CHD2: variants seen among roughly 807,000 people sequenced by gnomAD.
CHD2 encodes ATP-dependent chromatin remodeler CHD2.
A neutral mutation model predicts 243.9 loss-of-function variants in CHD2; 28 were observed. The observed-to-expected ratio is 0.11, with a 90% CI of 0.09 to 0.16. The LOEUF (loss-of-function observed/expected upper bound fraction) is 0.16. Ranked by LOEUF, CHD2 falls within the 10% of genes least tolerant of loss-of-function variation. CHD2 has a pLI of 1.00. For missense variants in CHD2, 1,386 were observed against 2,209.8 expected (o/e 0.63, Z 7.47); for synonymous variants, 775 against 779.0 (o/e 0.99, Z 0.09).
intron 2 of CHD2, among the ~76,000 whole-genome samples, chr15:92,905,725 TACAG>T (rs2052609047): frequency 1.3e-5 from 2 of 152,364 alleles, no homozygotes; most frequent in South Asian, 4.1e-4. Context: ...CTTTTTCTGT[TACAG>T]AGAAGTGTTC....
chr15:92,951,381 A>G (rs1038398473), intron 13 of CHD2, among the ~76,000 whole-genome samples: 14 of 151,982 alleles, frequency 9.2e-5, no homozygotes, highest in African/African-American at 2.7e-4. Context: ...ATGTTGGCCA[A>G]GCTGGTCTTG....
chr15:92,940,935 TAA>T (rs1222734207), intron 7 of CHD2, among the ~76,000 whole-genome samples: 3 of 137,416 alleles, frequency 2.2e-5, no homozygotes, highest in Admixed American at 1.5e-4. Context: ...TAAATATATA[TAA>T]AATATATATA....
At chr15:92,936,743 C>T (rs951477946) in intron 5 of CHD2, among the ~76,000 whole-genome samples, 5 of 152,078 alleles carry the variant, frequency 3.3e-5, no homozygotes, top group Admixed American at 2.6e-4. Context: ...AGTTTCTACC[C>T]AGTATCAGCA....
At position 92,984,785 on chromosome 15, in the gene CHD2, C is replaced by T. The variant is rs12592212; in HGVS notation, c.3237+285C>T. On this transcript the variant is annotated intron_variant, in intron 25 of 38. Transcript: ENST00000394196. ...TTGCATTTTGCCTTTGAGTAGTCCTCACAGTTTGGCTGTTAATTGCCACTG... is the reference window on the plus strand; with the variant it reads ...TTGCATTTTGCCTTTGAGTAGTCCTTACAGTTTGGCTGTTAATTGCCACTG... Among the ~76,000 whole-genome samples the T allele has an allele frequency of 0.2, 30,517 of 152,182 alleles. 3,686 individuals are homozygous for T. Among genetic ancestry groups the T allele is most frequent in the East Asian group, 0.59 (3,025 of 5,170 alleles).
intron 5 of CHD2, 32 bp from the exon 6 acceptor site, chr15:92,937,486 A>G (rs1012844470): frequency 1.3e-5 from 20 of 1,508,074 alleles, no homozygotes; most frequent in Non-Finnish European, 1.8e-5. Flanking sequence ...TTCTTTTAGA[A>G]AAAAATTACT....
chr15:92,995,601 A>T (rs2054177378), intron 28 of CHD2, among the ~76,000 whole-genome samples: 1 of 152,124 alleles, frequency 6.6e-6, no homozygotes, highest in Admixed American at 6.5e-5. Context: ...CTTTCCTTTT[A>T]CAGTTGCAGA....
At chr15:92,949,870 A>G (rs2053529284) in intron 13 of CHD2, among the ~76,000 whole-genome samples, 1 of 152,236 alleles carries the variant, frequency 6.6e-6, no homozygotes, top group Admixed American at 6.5e-5. Flanking sequence ...CCGAACAAAG[A>G]AAAGCAGAGG....
intron 37 of CHD2, 65 bp from the exon 38 acceptor site, chr15:93,019,947 A>AAT (rs1309240805): frequency 8.4e-6 from 13 of 1,547,348 alleles, no homozygotes; most frequent in African/African-American, 2.8e-5. Flanking sequence ...AAAAAAAAAA[A>AAT]TTGTAGTGAA....
At chr15:92,903,284 C>T (rs1313964320) in intron 2 of CHD2, among the ~76,000 whole-genome samples, 1 of 152,140 alleles carries the variant, frequency 6.6e-6, no homozygotes, top group African/African-American at 2.4e-5. Context: ...GTTCCTTCTG[C>T]CATCAGAGTT....
At chr15:92,999,164 C>G (rs934044058) in intron 31 of CHD2, among the ~76,000 whole-genome samples, 3 of 150,796 alleles carry the variant, frequency 2.0e-5, no homozygotes, top group Non-Finnish European at 4.4e-5. Flanking sequence ...CAAACCCATC[C>G]TTCTGAAATG....
intron 15 of CHD2, among the ~76,000 whole-genome samples, 191 bp from the exon 16 acceptor site, chr15:92,956,268 C>CT (rs2053617017): frequency 6.6e-6 from 1 of 152,140 alleles, no homozygotes; most frequent in Admixed American, 6.5e-5. Flanking sequence ...TGATGATACT[C>CT]TCTTTTGAAT....
At chr15:92,967,047 G>T (rs746688021) in intron 16 of CHD2, among the ~76,000 whole-genome samples, 7 of 152,166 alleles carry the variant, frequency 4.6e-5, no homozygotes, top group Non-Finnish European at 8.8e-5. Flanking sequence ...GCTTTGAGTA[G>T]TTACTGAGTA....
intron 34 of CHD2, among the ~76,000 whole-genome samples, chr15:93,006,508 G>T (rs574691741): frequency 6.6e-5 from 10 of 152,270 alleles, no homozygotes; most frequent in African/African-American, 2.2e-4. Flanking sequence ...GAGTTTTACT[G>T]CTTAAGTCTG....
intron 18 of CHD2, 21 bp from the exon 19 acceptor site, chr15:92,972,244 G>A (rs369974911): frequency 3.1e-6 from 5 of 1,597,658 alleles, no homozygotes; most frequent in Non-Finnish European, 4.3e-6. Flanking sequence ...ATAATTATTG[G>A]AATGTCTTTT....
At chr15:92,911,691 C>T (rs146282294) in intron 2 of CHD2, among the ~76,000 whole-genome samples, 1 of 152,248 alleles carries the variant, frequency 6.6e-6, no homozygotes, top group East Asian at 1.9e-4. Context: ...GCTCAGATCG[C>T]ACCACTCCAC....
chr15:92,983,894 T>C (rs1379975334), intron 24 of CHD2, among the ~76,000 whole-genome samples: 11 of 152,228 alleles, frequency 7.2e-5, no homozygotes, highest in Non-Finnish European at 1.6e-4. Flanking sequence ...TAGATGATAA[T>C]GAGTGCTTTG....
chr15:92,960,716 T>TTTTG (rs2053675378), intron 16 of CHD2, among the ~76,000 whole-genome samples: 1 of 142,204 alleles, frequency 7.0e-6, no homozygotes, highest in Non-Finnish European at 1.5e-5. Context: ...TTTTTTTTTT[T>TTTTG]TTTTTTTTTT....
chr15:92,992,334 A>G (rs1490598241), intron 27 of CHD2, among the ~76,000 whole-genome samples: 1 of 152,198 alleles, frequency 6.6e-6, no homozygotes, highest in African/African-American at 2.4e-5. Flanking sequence ...GTAAAAGCCA[A>G]TAGAATGTGG....
At chr15:92,906,411 A>G (rs76055733) in intron 2 of CHD2, among the ~76,000 whole-genome samples, 6,123 of 152,292 alleles carry the variant, frequency 0.04, 142 homozygotes, top group South Asian at 0.084. Flanking sequence ...AGTTGTAGCA[A>G]GTTATTGCTT....
Sources: gnomAD v4.1 joint callset for allele counts (sites outside exome capture counted in the v4.1 genomes callset) on GRCh38, gnomAD v4.1.1 for gene constraint, MANE v1.5 for transcripts, NCBI Gene and HGNC (gene_info 2026-07-23, HGNC 2026-07-21) for gene names.